Variants in FAF1 observed in about 807,000 individuals in gnomAD.
The protein encoded by FAF1 is Fas associated factor 1.
FAF1 carries 25 observed loss-of-function variants against 92.5 expected under a neutral mutation model. The ratio of observed to expected loss-of-function variants is 0.27; its 90% CI spans 0.20 to 0.38. The LOEUF is 0.38. FAF1 is among the 10% of genes least tolerant of loss of function. The pLI is 1.00. For synonymous variants in FAF1, 234 were observed against 273.2 expected, an observed-to-expected ratio of 0.86 and a Z score of 1.42; for missense variants, 636 against 793.3, an observed-to-expected ratio of 0.80 and a Z score of 2.38.
At chr1:50,637,958 C>T (rs1654138369) in intron 8 of FAF1, among the ~76,000 whole-genome samples, 1 of 151,482 alleles carries the variant, frequency 6.6e-6, no homozygotes, top group South Asian at 2.1e-4. Flanking sequence ...TAGCTCATTC[C>T]ATGTCTTAAT....
At chr1:50,768,438 G>A (rs763190515) in intron 4 of FAF1, among the ~76,000 whole-genome samples, 4 of 151,864 alleles carry the variant, frequency 2.6e-5, no homozygotes, top group Non-Finnish European at 5.9e-5. Flanking sequence ...AAAAGAACCT[G>A]ACAGATATCT....
intron 8 of FAF1, among the ~76,000 whole-genome samples, chr1:50,621,236 T>C (rs1653187041): frequency 6.6e-6 from 1 of 151,944 alleles, no homozygotes; most frequent in Non-Finnish European, 1.5e-5. Flanking sequence ...AATACTCAGG[T>C]GGAACAATGC....
At chr1:50,721,789 G>A (rs925463442) in intron 6 of FAF1, among the ~76,000 whole-genome samples, 1 of 151,904 alleles carries the variant, frequency 6.6e-6, no homozygotes, top group African/African-American at 2.4e-5. Flanking sequence ...ATGCCTGGCT[G>A]ATTTTTTACT....
At chr1:50,593,677 C>T (rs956622958) in intron 9 of FAF1, among the ~76,000 whole-genome samples, 2 of 152,098 alleles carry the variant, frequency 1.3e-5, no homozygotes, top group African/African-American at 4.8e-5. Flanking sequence ...CAGTATAATA[C>T]AGCACAGTCA....
chr1:50,739,083 G>A (rs764942387), intron 5 of FAF1, 129 bp from the exon 6 acceptor site: 30 of 597,722 alleles, frequency 5.0e-5, no homozygotes, highest in Non-Finnish European at 8.4e-5. Context: ...CCTAAATAGG[G>A]TAATGCAAAA....
intron 6 of FAF1, among the ~76,000 whole-genome samples, chr1:50,724,147 G>C: frequency 6.6e-6 from 1 of 150,936 alleles, no homozygotes; most frequent in Non-Finnish European, 1.5e-5. Context: ...GCAGGAGGAC[G>C]ACTGCTTGAG....
chr1:50,457,634 T>C (rs746095988), intron 18 of FAF1, among the ~76,000 whole-genome samples: 1 of 145,234 alleles, frequency 6.9e-6, no homozygotes, highest in East Asian at 2.1e-4. Context: ...ATGCCTGTAA[T>C]CCCAGCACTT....
At chr1:50,635,424 GTTGTT>G (rs1026593198) in intron 8 of FAF1, among the ~76,000 whole-genome samples, 1 of 152,088 alleles carries the variant, frequency 6.6e-6, no homozygotes, top group African/African-American at 2.4e-5. Context: ...TAATCTGGTT[GTTGTT>G]TTGTTTTGTT....
At chr1:50,656,531 A>G (rs977109597) in intron 7 of FAF1, among the ~76,000 whole-genome samples, 4 of 152,182 alleles carry the variant, frequency 2.6e-5, no homozygotes, top group Non-Finnish European at 5.9e-5. Flanking sequence ...TTGAAAGGAA[A>G]GGAGGTAAAC....
intron 5 of FAF1, among the ~76,000 whole-genome samples, chr1:50,742,974 A>G (rs1384017119): frequency 6.6e-6 from 1 of 152,238 alleles, no homozygotes. Flanking sequence ...AAATTACATA[A>G]AATTCAAATG....
chr1:50,824,849 A>C (rs2124624764), intron 2 of FAF1, among the ~76,000 whole-genome samples: 1 of 152,250 alleles, frequency 6.6e-6, no homozygotes, highest in Admixed American at 6.5e-5. Context: ...GCCAGGTACA[A>C]GGAGACAAAT....
Position 50,567,068 on chromosome 1 carries a change from C to T in FAF1, c.1268+9G>A, listed in dbSNP as rs1650208383. The T allele has an allele frequency of 2.6e-6, 4 of 1,546,560 alleles. No homozygotes were observed. Among genetic ancestry groups the T allele is most frequent in the Non-Finnish European group, 2.6e-6 (3 of 1,147,102 alleles). On this transcript the variant is annotated intron_variant, in intron 13 of 18. Transcript: ENST00000396153. Reference sequence around the variant, plus strand: ...AGCCCAACTTGTAACTTGTGAACAACAGTATTACCTTGCTCTGTTGGAGTC... The same window carrying T: ...AGCCCAACTTGTAACTTGTGAACAATAGTATTACCTTGCTCTGTTGGAGTC...
intron 7 of FAF1, among the ~76,000 whole-genome samples, chr1:50,689,227 T>C (rs913378859): frequency 6.6e-6 from 1 of 152,192 alleles, no homozygotes; most frequent in African/African-American, 2.4e-5. Context: ...AAAAATCATA[T>C]ATATGATAAA....
At chr1:50,748,214 T>C (rs1323584546) in intron 4 of FAF1, among the ~76,000 whole-genome samples, 1 of 151,852 alleles carries the variant, frequency 6.6e-6, no homozygotes, top group Non-Finnish European at 1.5e-5. Flanking sequence ...TAAAGAAAAA[T>C]GCCAGGCGTG....
At chr1:50,564,248 T>C (rs11205735) in intron 13 of FAF1, among the ~76,000 whole-genome samples, 1,551 of 152,142 alleles carry the variant, frequency 0.01, 26 homozygotes, top group African/African-American at 0.035. Flanking sequence ...AGGAAACCAC[T>C]ACAAAAACAT....
intron 1 of FAF1, among the ~76,000 whole-genome samples, chr1:50,923,514 T>C (rs1448154768): frequency 1.3e-5 from 2 of 151,614 alleles, no homozygotes; most frequent in Non-Finnish European, 2.9e-5. Context: ...TGAAAAAAAC[T>C]AGCACCAACT....
intron 18 of FAF1, among the ~76,000 whole-genome samples, chr1:50,461,835 G>GT (rs1646434680): frequency 6.8e-6 from 1 of 148,124 alleles, no homozygotes. Context: ...TTTCCAAACA[G>GT]TTGATATTGG....
chr1:50,928,426 C>T (rs59097691), intron 1 of FAF1, among the ~76,000 whole-genome samples: 17,876 of 152,088 alleles, frequency 0.12, 1,274 homozygotes, highest in African/African-American at 0.2. Context: ...TTAGTCTCAG[C>T]GGCATTAATT....
chr1:50,446,656 C>T (rs1646230785), intron 18 of FAF1, among the ~76,000 whole-genome samples: 1 of 152,134 alleles, frequency 6.6e-6, no homozygotes, highest in Non-Finnish European at 1.5e-5. Context: ...TTTACACAAA[C>T]ATTAACTCAC....
Sources: allele counts gnomAD v4.1 joint callset (sites outside exome capture counted in the v4.1 genomes callset), GRCh38; gene constraint gnomAD v4.1.1; transcripts MANE v1.5; gene names NCBI Gene and HGNC (gene_info 2026-07-23, HGNC 2026-07-21).